The following CDH18 variants were observed in gnomAD, a reference collection of about 807,000 sequenced individuals.
CDH18 encodes cadherin-18.
CDH18 carries 31 observed loss-of-function variants against 67.9 expected under a neutral mutation model. The observed-to-expected ratio is 0.46, with a 90% CI of 0.34 to 0.62. CDH18 has a LOEUF of 0.62. Among genes scored for constraint, CDH18 ranks in the 20% least tolerant of loss-of-function variants. The probability of loss-of-function intolerance (pLI) is 0.01; values close to 1 mark genes in which losing one functional copy is unlikely to be tolerated. For missense variants in CDH18, 890 were observed against 975.5 expected (o/e 0.91, Z 1.17); for synonymous variants, 362 against 347.2 (o/e 1.04, Z -0.48).
At chr5:20,494,781 G>T (rs1753812159) in intron 1 of CDH18, among the ~76,000 whole-genome samples, 1 of 152,060 alleles carries the variant, frequency 6.6e-6, no homozygotes, top group African/African-American at 2.4e-5. Flanking sequence ...AACATGAGTA[G>T]GTCTGGAGGA....
In CDH18 at chr5:19,668,390, C is replaced by G. The variant is rs573848011; in HGVS notation, c.643+52957G>C. 7.5e-3 allele frequency among the ~76,000 whole-genome samples: 1,134 copies of G among 151,754 alleles called. 14 individuals carry two copies. Among genetic ancestry groups the G allele is most frequent in the African/African-American group, 0.026 (1,074 of 41,438 alleles). On this transcript the variant is annotated intron_variant, in intron 5 of 12. Transcript: ENST00000382275. ...TATGACTCTTATTAGCATTAAAAAA[C>G]AAATAAGATGATAATAAACATCCGC...
At chr5:19,712,194 G>A (rs1286068620) in intron 5 of CDH18, among the ~76,000 whole-genome samples, 2 of 151,886 alleles carry the variant, frequency 1.3e-5, no homozygotes, top group Non-Finnish European at 2.9e-5. Context: ...TACTTATTGG[G>A]TACAAAGTAC....
At chr5:20,518,981 A>T (rs1396109475) in intron 1 of CDH18, among the ~76,000 whole-genome samples, 1 of 152,192 alleles carries the variant, frequency 6.6e-6, no homozygotes, top group Admixed American at 6.6e-5. Flanking sequence ...GATAGAAGAA[A>T]CAACATCTGA....
chr5:19,521,270 C>T (rs1746858135), intron 9 of CDH18, among the ~76,000 whole-genome samples: 1 of 152,084 alleles, frequency 6.6e-6, no homozygotes, highest in African/African-American at 2.4e-5. Flanking sequence ...GATGTTAAGT[C>T]ACGCTCGGGG....
chr5:19,949,140 T>C (rs1437200170), intron 2 of CDH18, among the ~76,000 whole-genome samples: 4 of 152,160 alleles, frequency 2.6e-5, no homozygotes, highest in African/African-American at 9.6e-5. Context: ...AGGATGTTTC[T>C]TCTCTGGGCG....
chr5:19,888,625 A>C (rs1788473329), intron 2 of CDH18, among the ~76,000 whole-genome samples: 1 of 152,110 alleles, frequency 6.6e-6, no homozygotes, highest in African/African-American at 2.4e-5. Context: ...AATCTGCTAA[A>C]ATTATTTACT....
chr5:19,593,177 TACTC>T lies in CDH18; in HGVS notation c.812-1937_812-1934del, dbSNP rs796974834. ...TCCTGATTTCGATTTTTTAAATAAA[TACTC>T]AGAAGTGTGGTCATTAGGTCATATA... On this transcript the variant is annotated intron_variant, in intron 6 of 12. Transcript: ENST00000382275. Among the ~76,000 whole-genome samples the T allele has an allele frequency of 6.6e-5, 10 of 152,278 alleles. 1 individual carries two copies. The highest frequency in any genetic ancestry group is 2.2e-4 in the African/African-American group (9 of 41,574).
At chr5:20,496,080 A>G (rs1385725737) in intron 1 of CDH18, among the ~76,000 whole-genome samples, 1 of 152,130 alleles carries the variant, frequency 6.6e-6, no homozygotes. Flanking sequence ...GAAACAGATA[A>G]ATAAGTAATT....
intron 2 of CDH18, among the ~76,000 whole-genome samples, chr5:20,026,486 T>C (rs1738913107): frequency 6.6e-6 from 1 of 152,226 alleles, no homozygotes; most frequent in African/African-American, 2.4e-5. Flanking sequence ...TATGTATGTC[T>C]ATAAGCATGA....
At chr5:19,480,625 C>T (rs1339403323) in intron 12 of CDH18, among the ~76,000 whole-genome samples, 1 of 152,180 alleles carries the variant, frequency 6.6e-6, no homozygotes, top group East Asian at 1.9e-4. Flanking sequence ...GATGCGCCCA[C>T]CTCAGCCTCC....
chr5:19,773,442 G>T (rs1268803639), intron 3 of CDH18, among the ~76,000 whole-genome samples: 3 of 152,142 alleles, frequency 2.0e-5, no homozygotes, highest in Non-Finnish European at 2.9e-5. Context: ...GACTTACAAG[G>T]GGCAAGCATG....
chr5:19,646,573 C>T (rs1056123643), intron 5 of CDH18, among the ~76,000 whole-genome samples: 3 of 152,024 alleles, frequency 2.0e-5, no homozygotes, highest in Admixed American at 1.3e-4. Context: ...CTCCTGACCT[C>T]GTCGTGATCC....
At chr5:20,164,239 A>G (rs1232315618) in intron 2 of CDH18, among the ~76,000 whole-genome samples, 2 of 152,102 alleles carry the variant, frequency 1.3e-5, no homozygotes, top group Admixed American at 1.3e-4. Flanking sequence ...AAAAGGAGCT[A>G]GTTTCTTAAA....
chr5:19,512,535 A>G (rs2126837845), intron 10 of CDH18, among the ~76,000 whole-genome samples: 1 of 152,274 alleles, frequency 6.6e-6, no homozygotes, highest in East Asian at 1.9e-4. Context: ...CTTATTTTCA[A>G]TGTAATGGCA....
chr5:19,510,960 T>C (rs1745020941), intron 10 of CDH18, among the ~76,000 whole-genome samples: 1 of 152,016 alleles, frequency 6.6e-6, no homozygotes, highest in Non-Finnish European at 1.5e-5. Context: ...TACAAGCACC[T>C]GCCACCATGC....
intron 2 of CDH18, among the ~76,000 whole-genome samples, chr5:20,249,781 A>C (rs1743687716): frequency 6.6e-6 from 1 of 152,248 alleles, no homozygotes; most frequent in Admixed American, 6.5e-5. Context: ...TAAAGTGAAA[A>C]TGTGCCTTTC....
At chr5:20,249,494 T>C (rs1426105095) in intron 2 of CDH18, among the ~76,000 whole-genome samples, 1 of 150,864 alleles carries the variant, frequency 6.6e-6, no homozygotes, top group African/African-American at 2.4e-5. Context: ...GCCATTCTCC[T>C]GCCTCAGACT....
intron 1 of CDH18, among the ~76,000 whole-genome samples, chr5:20,545,219 G>C (rs13356605): frequency 0.042 from 6,361 of 152,264 alleles, 430 homozygotes; most frequent in African/African-American, 0.14. Flanking sequence ...CTGCTTTCAG[G>C]AGCTGGCATT....
intron 2 of CDH18, among the ~76,000 whole-genome samples, chr5:20,022,113 G>A (rs1228753958): frequency 6.6e-6 from 1 of 152,126 alleles, no homozygotes; most frequent in Non-Finnish European, 1.5e-5. Context: ...CTTCCAACTA[G>A]TATTGTGTTT....
Sources: gnomAD v4.1 joint callset for allele counts (sites outside exome capture counted in the v4.1 genomes callset) on GRCh38, gnomAD v4.1.1 for gene constraint, MANE v1.5 for transcripts, NCBI Gene and HGNC (gene_info 2026-07-23, HGNC 2026-07-21) for gene names.